Variants in BCCIP observed in about 807,000 individuals in gnomAD.
BCCIP encodes BRCA2 and CDKN1A-interacting protein.
BCCIP carries 23 observed loss-of-function variants against 32.8 expected under a neutral mutation model. The observed-to-expected ratio is 0.70, with a 90% CI of 0.51 to 0.99. The LOEUF (loss-of-function observed/expected upper bound fraction) is 0.99. Among genes scored for constraint, BCCIP ranks in the 50% least tolerant of loss-of-function variants. BCCIP has a pLI of 0.00. For missense variants in BCCIP, 378 were observed against 379.8 expected (o/e 1.00, Z 0.04); for synonymous variants, 144 against 137.6 (o/e 1.05, Z -0.33).
At chr10:125,846,020 G>C (rs1263935848), downstream of BCCIP, among the ~76,000 whole-genome samples, 3 of 152,236 alleles carry the variant, frequency 2.0e-5, no homozygotes, top group Non-Finnish European at 4.4e-5. Context: ...GACTAAGTGG[G>C]GAAGGAAGCT....
downstream of BCCIP, among the ~76,000 whole-genome samples, chr10:125,846,796 C>T (rs1405508214): frequency 1.3e-5 from 2 of 152,156 alleles, no homozygotes; most frequent in Non-Finnish European, 2.9e-5. Context: ...GAATCAATGG[C>T]TCCCTTTCTT....
At chr10:125,823,813 T>A in intron 1 of BCCIP, 91 bp downstream of exon 1, 1 of 1,531,498 alleles carries the variant, frequency 6.5e-7, no homozygotes, top group Non-Finnish European at 8.8e-7. Context: ...GGGTCTTCCC[T>A]GACCCTGAGG....
chr10:125,844,065 T>C (rs1231663989), downstream of BCCIP, among the ~76,000 whole-genome samples: 1 of 152,236 alleles, frequency 6.6e-6, no homozygotes, highest in Admixed American at 6.5e-5. Context: ...TACTTGTTCA[T>C]TCTTGGGGAC....
chr10:125,832,869 C>T (rs546090257), intron 5 of BCCIP, among the ~76,000 whole-genome samples: 5 of 147,702 alleles, frequency 3.4e-5, no homozygotes, highest in African/African-American at 7.5e-5. Flanking sequence ...AATTCCAACA[C>T]TTTGGGAGGC....
chr10:125,848,419 C>G (rs778173737), intron 7 of BCCIP, among the ~76,000 whole-genome samples: 1 of 152,202 alleles, frequency 6.6e-6, no homozygotes, highest in African/African-American at 2.4e-5. Context: ...AGACACTCTA[C>G]CCTAATTTTA....
chr10:125,835,519 C>CCAGT (rs1854651470), intron 6 of BCCIP, among the ~76,000 whole-genome samples: 1 of 149,464 alleles, frequency 6.7e-6, no homozygotes, highest in Non-Finnish European at 1.5e-5. Flanking sequence ...GCAGAGCTTG[C>CCAGT]GGTGAGCCGA....
intron 5 of BCCIP, 48 bp downstream of exon 5, chr10:125,831,655 A>G: frequency 1.3e-6 from 2 of 1,521,512 alleles, no homozygotes; most frequent in African/African-American, 1.4e-5. Flanking sequence ...TTTTTTTCAA[A>G]TAGATTCCTA....
chr10:125,831,686 T>C (rs1275025361), intron 5 of BCCIP, 79 bp downstream of exon 5: 1 of 1,374,900 alleles, frequency 7.3e-7, no homozygotes, highest in Non-Finnish European at 1.0e-6. Flanking sequence ...AAGTAGAATA[T>C]GTAGATATAG....
At chr10:125,837,117 T>A (rs1854716431), downstream of BCCIP, among the ~76,000 whole-genome samples, 1 of 152,250 alleles carries the variant, frequency 6.6e-6, no homozygotes, top group South Asian at 2.1e-4. Context: ...CACTAACCTT[T>A]AGTGGAAACT....
In BCCIP at chr10:125,836,150, C is replaced by G; in HGVS notation, c.821C>G (p.Thr274Ser). Residue 274 changes from threonine (T) to serine (S), a missense_variant, in exon 7 of 7, where the codon ACT becomes AGT. Coordinates refer to ENST00000278100, the MANE Select transcript of BCCIP (RefSeq NM_078468.3). The part of the protein sequence containing the change: ...FNYSVQEESD[T>S]CLGGKWSFDD... ...TACTCAGTGCAGGAGGAGAGCGACA[C>G]TTGTCTGGGAGGCAAATGGTCTTTT... 1.9e-6 allele frequency: 3 copies of G among 1,614,252 alleles called. No individual in the cohort carries two copies. The highest frequency in any genetic ancestry group is 2.5e-6 in the Non-Finnish European group (3 of 1,180,046).
At chr10:125,826,780 G>T in intron 2 of BCCIP, 115 bp downstream of exon 2, 1 of 1,464,238 alleles carries the variant, frequency 6.8e-7, no homozygotes, top group Admixed American at 2.5e-5. Flanking sequence ...TGAGAGGATT[G>T]CTTGAGCCCA....
chr10:125,846,816 C>T (rs1036323966), downstream of BCCIP, among the ~76,000 whole-genome samples: 4 of 152,070 alleles, frequency 2.6e-5, no homozygotes, highest in Non-Finnish European at 5.9e-5. Context: ...TGGGCGTTTT[C>T]GACTTTAGAC....
chr10:125,826,843 A>AT (rs1261585564), intron 2 of BCCIP, among the ~76,000 whole-genome samples, 178 bp downstream of exon 2: 1 of 152,068 alleles, frequency 6.6e-6, no homozygotes, highest in African/African-American at 2.4e-5. Context: ...CTACAAAAAA[A>AT]TTAAAAATTA....
At chr10:125,833,969 T>C (rs774928091) in intron 6 of BCCIP, 23 bp downstream of exon 6, 14 of 1,605,394 alleles carry the variant, frequency 8.7e-6, no homozygotes, top group East Asian at 2.2e-5. Flanking sequence ...TGCTTATTTG[T>C]TTAGATGTAA....
chr10:125,831,500 G>T lies in BCCIP; in HGVS notation c.492G>T (p.Gln164His). 1.2e-6 allele frequency: 2 copies of T among 1,614,190 alleles called. No individual in the cohort carries two copies. Among genetic ancestry groups the T allele is most frequent in the Non-Finnish European group, 1.7e-6 (2 of 1,180,014 alleles). The change falls in exon 5 of 7, where the codon CAG (glutamine) becomes CAT (histidine). Residue 164 changes from glutamine (Q) to histidine (H), a missense_variant. By Grantham distance (24) the Gln-to-His change is conservative. Coordinates refer to ENST00000278100, the MANE Select transcript of BCCIP (RefSeq NM_078468.3). ...EKNCEKSMVE[Q>H]LDKFLNDTTK... is the part of the protein sequence containing the mutation. ...ACTGTGAAAAGAGCATGGTTGAACA[G>T]CTGGACAAGTTTTTAAATGACACCA...
At chr10:125,848,754 C>G (rs1272865535) in intron 7 of BCCIP, among the ~76,000 whole-genome samples, 1 of 152,178 alleles carries the variant, frequency 6.6e-6, no homozygotes, top group African/African-American at 2.4e-5. Context: ...GTGCAGAGCT[C>G]AGGTAGGAGT....
At chr10:125,841,251 G>A (rs778219890), downstream of BCCIP, 3 of 1,613,316 alleles carry the variant, frequency 1.9e-6, no homozygotes, top group Non-Finnish European at 2.5e-6. Context: ...TTCTATTCCG[G>A]CAGGAGCAGG....
exon 7 of BCCIP, chr10:125,842,709 G>A (rs1321453433): frequency 3.9e-6 from 2 of 514,882 alleles, no homozygotes; most frequent in Non-Finnish European, 5.0e-6. Flanking sequence ...ATAATACAGA[G>A]AAAAATTAAT....
At chr10:125,840,961 C>A, downstream of BCCIP, 1 of 1,610,880 alleles carries the variant, frequency 6.2e-7, no homozygotes, top group East Asian at 2.2e-5. Flanking sequence ...GCAGCCTCTT[C>A]AGCTCCATGT....
Sources: gnomAD v4.1 joint callset for allele counts (sites outside exome capture counted in the v4.1 genomes callset) on GRCh38, gnomAD v4.1.1 for gene constraint, MANE v1.5 for transcripts, NCBI Gene and HGNC (gene_info 2026-07-23, HGNC 2026-07-21) for gene names.